The following MTBP variants were observed in gnomAD, a reference collection of about 807,000 sequenced individuals.
MTBP encodes the protein MDM2 binding protein.
MTBP carries 101 observed loss-of-function variants against 117.0 expected under a neutral mutation model. The observed-to-expected ratio is 0.86, with a 90% CI of 0.73 to 1.02. The LOEUF (loss-of-function observed/expected upper bound fraction) is 1.02, where lower values mean the gene tolerates loss of function less well. MTBP is among the 50% of genes least tolerant of loss of function. The pLI is 0.00. For synonymous variants in MTBP, 350 were observed against 351.5 expected (o/e 1.00, Z 0.05); for missense variants, 970 against 1,030.9 (o/e 0.94, Z 0.81).
At chr8:120,470,103 T>C (rs1227070630) in intron 10 of MTBP, among the ~76,000 whole-genome samples, 1 of 152,152 alleles carries the variant, frequency 6.6e-6, no homozygotes, top group East Asian at 1.9e-4. Context: ...ACAGGAAAAA[T>C]ATAGCTTTCA....
At chr8:120,512,689 A>G (rs1228307361) in intron 17 of MTBP, among the ~76,000 whole-genome samples, 1 of 152,124 alleles carries the variant, frequency 6.6e-6, no homozygotes, top group Non-Finnish European at 1.5e-5. Context: ...CCATAAACAA[A>G]TAAACAAATC....
At chr8:120,471,708 T>A (rs1226907975) in intron 11 of MTBP, 1 of 152,160 alleles carries the variant, frequency 6.6e-6, no homozygotes, top group Non-Finnish European at 1.5e-5. Flanking sequence ...CATATACTTA[T>A]TTTTATCCCC....
At chr8:120,517,205 A>G (rs949184981) in intron 18 of MTBP, among the ~76,000 whole-genome samples, 3 of 152,068 alleles carry the variant, frequency 2.0e-5, no homozygotes, top group Admixed American at 1.3e-4. Flanking sequence ...AGTATGAACC[A>G]GTTTTATAGT....
rs770132755 is a variant in MTBP, at chr8:120,515,936, A to G, written c.1991A>G (p.Asp664Gly). ...CHYHGIEYCL[D>G]DRKALERDGG... Reference sequence around the variant, plus strand: ...TTCACTCATTTTAGATATTGCTTGGATGACCGAAAAGCTTTGGAAAGAGAT... The same window carrying G: ...TTCACTCATTTTAGATATTGCTTGGGTGACCGAAAAGCTTTGGAAAGAGAT... The change falls in exon 18 of 22, where the codon GAT becomes GGT. Residue 664 changes from aspartate (D) to glycine (G), a missense_variant. Asp to Gly is a moderately conservative substitution (Grantham distance 94). Transcript: ENST00000305949. 5.0e-6 allele frequency: 8 copies of G among 1,612,050 alleles called. No homozygotes were observed. Among genetic ancestry groups the G allele is most frequent in the Middle Eastern group, 1.6e-4 (1 of 6,064 alleles).
intron 1 of MTBP, 26 bp from the exon 2 acceptor site, chr8:120,446,407 G>A: frequency 7.0e-7 from 1 of 1,430,846 alleles, no homozygotes; most frequent in Non-Finnish European, 9.9e-7. Context: ...AGAGCCCTTT[G>A]AGTTAGTCTA....
At chr8:120,454,726 A>G (rs1813432233) in intron 5 of MTBP, among the ~76,000 whole-genome samples, 1 of 152,064 alleles carries the variant, frequency 6.6e-6, no homozygotes, top group African/African-American at 2.4e-5. Context: ...GAGTTGACAA[A>G]CGTATCAACT....
At chr8:120,455,704 A>G in intron 6 of MTBP, 125 bp downstream of exon 6, 3 of 864,604 alleles carry the variant, frequency 3.5e-6, no homozygotes, top group African/African-American at 1.7e-5. Context: ...ATTCTATGTT[A>G]TACCATGATT....
intron 17 of MTBP, among the ~76,000 whole-genome samples, chr8:120,514,215 T>C (rs1181617726): frequency 1.3e-5 from 2 of 151,984 alleles, no homozygotes; most frequent in African/African-American, 4.8e-5. Context: ...TTGTTTTGTG[T>C]GCCAAGAGCA....
At chr8:120,470,573 G>A (rs1441575229) in intron 10 of MTBP, among the ~76,000 whole-genome samples, 1 of 152,196 alleles carries the variant, frequency 6.6e-6, no homozygotes, top group African/African-American at 2.4e-5. Context: ...CAGTGGAAAA[G>A]GGAAGCCTGT....
At chr8:120,473,485 T>G (rs1339506304) in intron 11 of MTBP, 1 of 152,172 alleles carries the variant, frequency 6.6e-6, no homozygotes, top group South Asian at 2.1e-4. Context: ...ATTCATTGTC[T>G]TTTTCGCTGT....
chr8:120,502,063 C>G (rs937373852), intron 14 of MTBP, among the ~76,000 whole-genome samples: 1 of 152,130 alleles, frequency 6.6e-6, no homozygotes, highest in African/African-American at 2.4e-5. Context: ...AAGGTAATCT[C>G]TTTTTAAACA....
At chr8:120,458,426 G>C (rs534241412) in intron 7 of MTBP, among the ~76,000 whole-genome samples, 2 of 152,296 alleles carry the variant, frequency 1.3e-5, no homozygotes, top group East Asian at 3.9e-4. Context: ...TATCACTGTT[G>C]TTGTGCCTAC....
intron 15 of MTBP, among the ~76,000 whole-genome samples, chr8:120,505,229 G>A (rs1814665910): frequency 6.6e-6 from 1 of 151,970 alleles, no homozygotes; most frequent in African/African-American, 2.4e-5. Context: ...TTATATTAAT[G>A]TTAGGAGAAG....
chr8:120,462,471 G>A (rs1405972476), intron 9 of MTBP, among the ~76,000 whole-genome samples: 1 of 152,146 alleles, frequency 6.6e-6, no homozygotes, highest in Non-Finnish European at 1.5e-5. Flanking sequence ...AGGAATTCAG[G>A]TTCGGGTAGT....
chr8:120,455,662 G>A lies in MTBP; in HGVS notation c.629+83G>A, dbSNP rs978585669. The A allele has an allele frequency of 2.4e-5, 32 of 1,345,340 alleles. No homozygotes were observed. In the African/African-American group the frequency reaches 2.7e-4, roughly 11 times the overall value. The allele number at this position is 1,345,340 out of a possible 1,614,324, so 83.3% of individuals were successfully genotyped here. On this transcript the variant is annotated intron_variant, in intron 6 of 21. Transcript: ENST00000305949. ...ATACTATTCTCTTTTCAGACTCAGC[G>A]TTTGAAAATTATTTTAATATGACAA...
rs1563787273 is a variant in MTBP at position 120,461,359 on chromosome 8, T to C, written c.977+104T>C. 4 of 767,078 alleles carry C rather than the reference T, an allele frequency of 5.2e-6. No homozygotes were observed. In the East Asian group the frequency reaches 1.1e-4, roughly 21 times the overall value. 47.5% of individuals were successfully genotyped at this position (767,078 alleles called of 1,614,324 possible). ...TACATGTTAGGTATATCTTTTTCAT[T>C]ATATTCACTGTTTTAATGTTGATGT... is the stretch of plus-strand genomic sequence containing the variant. On this transcript the variant is annotated intron_variant, in intron 9 of 21. Coordinates refer to ENST00000305949, the MANE Select transcript of MTBP (RefSeq NM_022045.5).
chr8:120,454,431 T>A (rs538975658), intron 5 of MTBP, among the ~76,000 whole-genome samples: 1 of 152,206 alleles, frequency 6.6e-6, no homozygotes, highest in Admixed American at 6.5e-5. Context: ...ATCATAATAT[T>A]CCTAAAACTG....
Position 120,470,608 on chromosome 8 carries a change from TG to T in MTBP, c.1048-211del, listed in dbSNP as rs1813796475. On this transcript the variant is annotated intron_variant, in intron 10 of 21. Transcript: ENST00000305949. ...TAGCTTTGAATGCCTTTGCTGTTTT[TG>T]TTTGTCTGCATTTTAGCTTTTATTT... Among the ~76,000 whole-genome samples, 3 of 152,226 alleles carry T rather than the reference TG, an allele frequency of 2.0e-5. No homozygotes were observed. The South Asian group carries it at 6.2e-4, about 31-fold the overall frequency.
intron 14 of MTBP, among the ~76,000 whole-genome samples, chr8:120,500,255 G>A (rs185311949): frequency 2.0e-5 from 3 of 152,012 alleles, no homozygotes; most frequent in South Asian, 2.1e-4. Context: ...ATAGCCCAGC[G>A]TTTTGACTGC....
Sources: allele counts gnomAD v4.1 joint callset (sites outside exome capture counted in the v4.1 genomes callset), GRCh38; gene constraint gnomAD v4.1.1; transcripts MANE v1.5; gene names NCBI Gene and HGNC (gene_info 2026-07-23, HGNC 2026-07-21).